Variants in BNC2 observed in about 807,000 individuals in gnomAD.
BNC2 encodes the protein zinc finger protein basonuclin-2.
Under a neutral mutation model 76.3 loss-of-function variants are expected in BNC2, and 20 were observed. That is an observed-to-expected ratio of 0.26 (90% CI 0.18 to 0.38). BNC2 has a LOEUF of 0.38. Among genes scored for constraint, BNC2 ranks in the 10% least tolerant of loss-of-function variants. The pLI is 1.00. For synonymous variants in BNC2, 582 were observed against 514.8 expected (o/e 1.13, Z -1.77); for missense variants, 1,382 against 1,399.8 (o/e 0.99, Z 0.20).
At chr9:16,781,009 G>GAA (rs916360028) in intron 1 of BNC2, among the ~76,000 whole-genome samples, 4 of 149,650 alleles carry the variant, frequency 2.7e-5, no homozygotes, top group African/African-American at 9.8e-5. Context: ...TCCTTTGTTT[G>GAA]AAAAAAAAAG....
intron 3 of BNC2, among the ~76,000 whole-genome samples, chr9:16,669,265 C>T (rs142695119): frequency 1.4e-3 from 218 of 152,246 alleles, no homozygotes; most frequent in Middle Eastern, 0.014. Flanking sequence ...CTGAAGAGCC[C>T]ACTAAGGGAG....
chr9:16,560,874 G>C (rs1353811159), intron 4 of BNC2, among the ~76,000 whole-genome samples: 1 of 152,224 alleles, frequency 6.6e-6, no homozygotes, highest in African/African-American at 2.4e-5. Context: ...GAAGGTACTG[G>C]ATGAACCTTG....
chr9:16,585,290 T>C (rs1397661446), intron 3 of BNC2, among the ~76,000 whole-genome samples: 1 of 152,190 alleles, frequency 6.6e-6, no homozygotes, highest in African/African-American at 2.4e-5. Context: ...TCAAATATTT[T>C]GTCTTCCTAA....
chr9:16,772,084 T>G (rs1825847642), intron 1 of BNC2, among the ~76,000 whole-genome samples: 1 of 152,206 alleles, frequency 6.6e-6, no homozygotes, highest in South Asian at 2.1e-4. Context: ...ATTTTACACA[T>G]GCAGACTGAT....
intron 3 of BNC2, among the ~76,000 whole-genome samples, chr9:16,622,880 AC>A (rs1482653340): frequency 2.6e-5 from 4 of 152,150 alleles, no homozygotes; most frequent in African/African-American, 7.2e-5. Flanking sequence ...TACTAAAAAA[AC>A]CTTATTATTT....
intron 1 of BNC2, among the ~76,000 whole-genome samples, chr9:16,790,712 C>T (rs1817481229): frequency 6.6e-6 from 1 of 152,048 alleles, no homozygotes. Flanking sequence ...TCATCACAAC[C>T]ACTTCATAAC....
intron 3 of BNC2, among the ~76,000 whole-genome samples, chr9:16,641,702 T>C (rs994701251): frequency 4.6e-5 from 7 of 152,296 alleles, no homozygotes; most frequent in African/African-American, 1.7e-4. Context: ...TCCAAATAAA[T>C]GTTACATTTC....
chr9:16,793,849 T>C (rs2135690585), intron 1 of BNC2, among the ~76,000 whole-genome samples: 1 of 140,178 alleles, frequency 7.1e-6, no homozygotes, highest in African/African-American at 2.5e-5. Flanking sequence ...TTTTTGTTTT[T>C]TGTGGTTTTT....
At chr9:16,751,462 A>G (rs1239395486) in intron 1 of BNC2, among the ~76,000 whole-genome samples, 1 of 151,888 alleles carries the variant, frequency 6.6e-6, no homozygotes, top group East Asian at 1.9e-4. Context: ...CCCTTTCAAG[A>G]AATCTCCCTA....
intron 3 of BNC2, among the ~76,000 whole-genome samples, chr9:16,656,329 T>C (rs375262634): frequency 2.6e-5 from 4 of 152,148 alleles, no homozygotes; most frequent in African/African-American, 9.6e-5. Context: ...GGGACGACAA[T>C]GGGGCCACCC....
intron 3 of BNC2, among the ~76,000 whole-genome samples, chr9:16,609,275 C>T (rs1014115382): frequency 2.6e-5 from 4 of 152,080 alleles, no homozygotes; most frequent in African/African-American, 9.7e-5. Flanking sequence ...TAGTATAAAA[C>T]CCACAGTATC....
chr9:16,664,891 T>A (rs1822223375), intron 3 of BNC2, among the ~76,000 whole-genome samples: 2 of 116,090 alleles, frequency 1.7e-5, no homozygotes, highest in South Asian at 5.5e-4. Context: ...GTGCTGATGC[T>A]GCCTACACCC....
chr9:16,604,033 C>T (rs1214246802), intron 3 of BNC2, among the ~76,000 whole-genome samples: 1 of 152,074 alleles, frequency 6.6e-6, no homozygotes, highest in Non-Finnish European at 1.5e-5. Flanking sequence ...TACTAAATAA[C>T]ATCCTAAATA....
intron 5 of BNC2, among the ~76,000 whole-genome samples, chr9:16,465,902 A>G (rs1325609084): frequency 1.3e-5 from 2 of 150,446 alleles, no homozygotes; most frequent in African/African-American, 2.5e-5. Flanking sequence ...CCCTGTTTGC[A>G]GACGACATGA....
intron 4 of BNC2, among the ~76,000 whole-genome samples, chr9:16,579,546 G>A (rs1381827287): frequency 6.6e-6 from 1 of 152,178 alleles, no homozygotes. Flanking sequence ...ACCTCGCAAA[G>A]TGCTGGGAAT....
chr9:16,766,059 T>A (rs919481582), intron 1 of BNC2, among the ~76,000 whole-genome samples: 2 of 152,150 alleles, frequency 1.3e-5, no homozygotes, highest in Non-Finnish European at 2.9e-5. Context: ...AGTGCTGGGA[T>A]TACAGGCGTG....
intron 3 of BNC2, among the ~76,000 whole-genome samples, chr9:16,661,691 T>C (rs974070368): frequency 3.9e-5 from 6 of 152,072 alleles, no homozygotes; most frequent in East Asian, 3.9e-4. Flanking sequence ...ACTACATGTG[T>C]TGTGTGTGTG....
At chr9:16,749,284 C>G (rs1439653910) in intron 1 of BNC2, among the ~76,000 whole-genome samples, 1 of 152,112 alleles carries the variant, frequency 6.6e-6, no homozygotes, top group Non-Finnish European at 1.5e-5. Flanking sequence ...GTCTACAAAT[C>G]AGTACACGTG....
At chr9:16,771,765 A>G (rs1825839649) in intron 1 of BNC2, among the ~76,000 whole-genome samples, 1 of 152,232 alleles carries the variant, frequency 6.6e-6, no homozygotes, top group African/African-American at 2.4e-5. Flanking sequence ...AATTTTCCCT[A>G]GAAAGGCATC....
Sources: gnomAD v4.1 joint callset for allele counts (sites outside exome capture counted in the v4.1 genomes callset) on GRCh38, gnomAD v4.1.1 for gene constraint, MANE v1.5 for transcripts, NCBI Gene and HGNC (gene_info 2026-07-23, HGNC 2026-07-21) for gene names.